The following RASGRF1 variants were observed in gnomAD, a reference collection of about 807,000 sequenced individuals.
RASGRF1 encodes the protein ras-specific guanine nucleotide-releasing factor 1.
A neutral mutation model predicts 138.7 loss-of-function variants in RASGRF1; 40 were observed. The observed-to-expected ratio is 0.29, with a 90% CI of 0.22 to 0.38. The LOEUF is 0.38. Among genes scored for constraint, RASGRF1 ranks in the 10% least tolerant of loss-of-function variants. RASGRF1 has a pLI of 1.00. For missense variants in RASGRF1, 1,108 were observed against 1,650.4 expected (o/e 0.67, Z 5.69); for synonymous variants, 614 against 663.2 (o/e 0.93, Z 1.14).
At chr15:79,044,823 T>C (rs563693666) in intron 5 of RASGRF1, among the ~76,000 whole-genome samples, 5 of 152,202 alleles carry the variant, frequency 3.3e-5, no homozygotes, top group Non-Finnish European at 4.4e-5. Context: ...TCTTTGAAGA[T>C]AAAAATATAA....
In RASGRF1 at chr15:79,045,346, G is replaced by A. The variant is rs2057343368; in HGVS notation, c.878+1400C>T. On this transcript the variant is annotated intron_variant, in intron 5 of 26. Coordinates refer to ENST00000558480, the MANE Select transcript of RASGRF1 (RefSeq NM_001145648.3). ...TTCACATTTTTCATTCAAATTCCAG[G>A]TCACTGAATCTAAACAACCCACTTT... Among the ~76,000 whole-genome samples the A allele has an allele frequency of 2.0e-5, 3 of 152,146 alleles. No individual in the cohort carries two copies. The South Asian group carries it at 6.2e-4, about 32-fold the overall frequency.
chr15:78,979,009 G>A, intron 24 of RASGRF1: 1 of 1,293,450 alleles, frequency 7.7e-7, no homozygotes, highest in Non-Finnish European at 1.0e-6. Flanking sequence ...AGGCAGTGGA[G>A]GCAGCGGTGG....
rs138655217 is a variant in RASGRF1 at position 79,028,307 on chromosome 15, C to A, written c.1263-448G>T. ...AGCAAAGCTCATTACTCCCTCAGGG[C>A]CTTTGCACTTGCTGTCTCTTCTTCT... On this transcript the variant is annotated intron_variant, in intron 8 of 26. Coordinates refer to ENST00000558480, the MANE Select transcript of RASGRF1 (RefSeq NM_001145648.3). 1.4e-4 allele frequency among the ~76,000 whole-genome samples: 21 copies of A among 152,282 alleles called. No homozygotes were observed. The East Asian group carries it at 4.1e-3, about 29-fold the overall frequency.
intron 26 of RASGRF1, among the ~76,000 whole-genome samples, chr15:78,963,018 C>A (rs2055577785): frequency 6.6e-6 from 1 of 152,174 alleles, no homozygotes; most frequent in East Asian, 1.9e-4. Flanking sequence ...GAAGAGCCTC[C>A]CTTTTTCTCA....
intron 3 of RASGRF1, among the ~76,000 whole-genome samples, chr15:79,051,516 G>T (rs1467305339): frequency 6.6e-6 from 1 of 152,028 alleles, no homozygotes; most frequent in Admixed American, 6.6e-5. Flanking sequence ...TTTTACCTTC[G>T]GCTTCTTCTC....
At position 79,032,427 on chromosome 15, in the gene RASGRF1, G is replaced by A; in HGVS notation, c.959-111C>T. 1 of 1,024,722 alleles carries A rather than the reference G, an allele frequency of 9.8e-7. No homozygotes were observed. Among genetic ancestry groups the A allele is most frequent in the Non-Finnish European group, 1.4e-6 (1 of 692,984 alleles). The allele number at this position is 1,024,722 out of a possible 1,614,324, so 63.5% of individuals were successfully genotyped here. ...CAGAGAGGCCAGGGGCCAGGTTCAA[G>A]TTCCCCACCCCAGAGACATCTCTGC... On this transcript the variant is annotated intron_variant, in intron 6 of 26. Coordinates refer to ENST00000558480, the MANE Select transcript of RASGRF1 (RefSeq NM_001145648.3). The surrounding 1 kb of genome is among the most constrained non-coding windows in gnomAD (Gnocchi z 4.5).
In RASGRF1 at chr15:79,005,295, TCCTGGGGAGC is replaced by T. The variant is rs1429264155; in HGVS notation, c.2075+881_2075+890del. 6 of 985,704 alleles carry T rather than the reference TCCTGGGGAGC, an allele frequency of 6.1e-6. No homozygotes were observed. In the African/African-American group the frequency reaches 1.0e-4, roughly 17 times the overall value. The allele number at this position is 985,704 out of a possible 1,614,324, so 61.1% of individuals were successfully genotyped here. ...TGGATTGGGGGAGGAATGGTGAGGT[TCCTGGGGAGC>T]CCTGGGGAGCCAGTGTGATTCAGGA... On this transcript the variant is annotated intron_variant, in intron 14 of 26. Transcript: ENST00000558480.
At chr15:79,005,879 G>C (rs2056661398) in intron 14 of RASGRF1, among the ~76,000 whole-genome samples, 1 of 151,994 alleles carries the variant, frequency 6.6e-6, no homozygotes, top group Non-Finnish European at 1.5e-5. Flanking sequence ...GTGGGACCCT[G>C]TGCTTCCAGG....
chr15:78,978,070 G>A (rs1235952285), intron 24 of RASGRF1, among the ~76,000 whole-genome samples: 3 of 152,150 alleles, frequency 2.0e-5, no homozygotes. Context: ...AGTTAGGGCT[G>A]TTGCAGGTGG....
chr15:78,970,792 A>G (rs1411415893), intron 26 of RASGRF1, among the ~76,000 whole-genome samples: 1 of 150,238 alleles, frequency 6.7e-6, no homozygotes, highest in African/African-American at 2.4e-5. Context: ...CTTTTTTATT[A>G]AACAATTTTT....
intron 22 of RASGRF1, among the ~76,000 whole-genome samples, chr15:78,988,967 A>C (rs2056216882): frequency 6.6e-6 from 1 of 151,962 alleles, no homozygotes; most frequent in Non-Finnish European, 1.5e-5. Flanking sequence ...TTTGTACCTA[A>C]AAATGTGAGG....
At chr15:79,017,703 G>A in intron 12 of RASGRF1, 67 bp downstream of exon 12, 3 of 1,468,110 alleles carry the variant, frequency 2.0e-6, no homozygotes, top group African/African-American at 1.4e-5. Flanking sequence ...CCTGCCACCA[G>A]CCAAATCCCT....
In RASGRF1 at chr15:79,015,949, T is replaced by TG. The variant is rs565943698; in HGVS notation, c.1744-541dup. 3.4e-3 allele frequency among the ~76,000 whole-genome samples: 511 copies of TG among 152,342 alleles called. 6 individuals are homozygous for TG. Among genetic ancestry groups the TG allele is most frequent in the African/African-American group, 0.012 (490 of 41,586 alleles). ...TGAAGAGTCCATGGGTGTGGGGCCCTGGAGAAGGCAAGGCTGCTGGCGGGA... is the reference window on the plus strand; with the variant it reads ...TGAAGAGTCCATGGGTGTGGGGCCCTGGGAGAAGGCAAGGCTGCTGGCGGGA... On this transcript the variant is annotated intron_variant, in intron 12 of 26. Transcript: ENST00000558480.
chr15:79,041,506 G>C (rs1275284704), intron 5 of RASGRF1, among the ~76,000 whole-genome samples: 4 of 152,206 alleles, frequency 2.6e-5, no homozygotes, highest in African/African-American at 7.2e-5. Context: ...ACGACAAGGG[G>C]ACATAAGCCA....
chr15:79,011,102 C>T (rs867528678), intron 13 of RASGRF1, among the ~76,000 whole-genome samples: 10 of 152,020 alleles, frequency 6.6e-5, no homozygotes, highest in South Asian at 2.1e-4. Flanking sequence ...CTAGGCTATC[C>T]GCTCCCCATT....
intron 2 of RASGRF1, among the ~76,000 whole-genome samples, chr15:79,062,345 T>C (rs1021152825): frequency 6.6e-6 from 1 of 152,186 alleles, no homozygotes; most frequent in African/African-American, 2.4e-5. Flanking sequence ...CACTCAGTTT[T>C]ATCCTCTACA....
intron 1 of RASGRF1, among the ~76,000 whole-genome samples, chr15:79,075,886 C>T (rs1056015331): frequency 1.3e-5 from 2 of 152,234 alleles, no homozygotes; most frequent in Admixed American, 1.3e-4. Context: ...CCCAACAACA[C>T]TTGCCTTGGT....
chr15:79,020,732 G>A (rs920709070), intron 10 of RASGRF1, among the ~76,000 whole-genome samples: 1 of 152,192 alleles, frequency 6.6e-6, no homozygotes, highest in Non-Finnish European at 1.5e-5. Context: ...TTGGGTAGGA[G>A]GTCCCTTAAC....
intron 10 of RASGRF1, among the ~76,000 whole-genome samples, chr15:79,024,599 T>C (rs1276049919): frequency 6.6e-6 from 1 of 152,174 alleles, no homozygotes; most frequent in Non-Finnish European, 1.5e-5. Flanking sequence ...ATTTTTCCCA[T>C]GCTATTCTTG....
Sources: gnomAD v4.1 joint callset for allele counts (sites outside exome capture counted in the v4.1 genomes callset) on GRCh38, gnomAD v4.1.1 for gene constraint, Gnocchi (gnomAD v3.1) non-coding constraint, MANE v1.5 for transcripts, NCBI Gene and HGNC (gene_info 2026-07-23, HGNC 2026-07-21) for gene names.